The following SETBP1 variants were observed in gnomAD, a reference collection of about 807,000 sequenced individuals.
SETBP1 encodes SET-binding protein.
Under a neutral mutation model 101.0 loss-of-function variants are expected in SETBP1, and 9 were observed. That is an observed-to-expected ratio of 0.09 (90% CI 0.05 to 0.16). The LOEUF is 0.16. Ranked by LOEUF, SETBP1 falls within the 10% of genes least tolerant of loss-of-function variation. The pLI is 1.00. For synonymous variants in SETBP1, 818 were observed against 788.5 expected, an observed-to-expected ratio of 1.04 and a Z score of -0.63; for missense variants, 1,858 against 2,033.8, an observed-to-expected ratio of 0.91 and a Z score of 1.66.
intron 1 of SETBP1, among the ~76,000 whole-genome samples, chr18:44,685,846 A>T (rs2068829964): frequency 6.6e-6 from 1 of 152,164 alleles, no homozygotes; most frequent in African/African-American, 2.4e-5. Context: ...ATATAACTGT[A>T]TATATTGAAT....
At chr18:45,036,040 A>G (rs1028520321) in intron 4 of SETBP1, among the ~76,000 whole-genome samples, 4 of 152,204 alleles carry the variant, frequency 2.6e-5, no homozygotes, top group Non-Finnish European at 4.4e-5. Flanking sequence ...ACAATAAAGA[A>G]GGCTAAGAAG....
At chr18:44,708,536 T>C (rs1374224437) in intron 2 of SETBP1, among the ~76,000 whole-genome samples, 2 of 152,302 alleles carry the variant, frequency 1.3e-5, no homozygotes, top group Non-Finnish European at 2.9e-5. Context: ...GATTATGTTG[T>C]AGCTAAAGCA....
At chr18:45,060,791 T>C (rs1193987926) in intron 5 of SETBP1, among the ~76,000 whole-genome samples, 2 of 152,344 alleles carry the variant, frequency 1.3e-5, no homozygotes, top group African/African-American at 2.4e-5. Flanking sequence ...TTTGTTTACT[T>C]ATTTATTTTG....
intron 3 of SETBP1, among the ~76,000 whole-genome samples, chr18:44,914,094 A>G (rs1481286074): frequency 1.3e-5 from 2 of 152,186 alleles, no homozygotes; most frequent in Non-Finnish European, 2.9e-5. Flanking sequence ...GAGCTGCAGA[A>G]GGCACTCCCA....
Position 44,950,098 on chromosome 18 carries a change from C to T in SETBP1, c.758C>T (p.Ala253Val). The T allele has an allele frequency of 6.2e-7, 1 of 1,614,164 alleles. No homozygotes were observed. The highest frequency in any genetic ancestry group is 8.5e-7 in the Non-Finnish European group (1 of 1,180,048). Residue 253 changes from alanine (A) to valine (V), a missense_variant, in exon 4 of 6, where the codon GCT (alanine) becomes GTT (valine). Transcript: ENST00000649279. ...RETASTSKIP[A>V]LEPVASFAKA... The stretch of plus-strand genomic sequence containing the variant: ...ACTGCAAGCACCAGCAAGATCCCCG[C>T]TCTTGAGCCCGTGGCTTCCTTTGCA...
chr18:44,853,034 A>C (rs1276110938), intron 2 of SETBP1, among the ~76,000 whole-genome samples: 1 of 152,116 alleles, frequency 6.6e-6, no homozygotes, highest in Admixed American at 6.5e-5. Flanking sequence ...AACAAATTTG[A>C]CCTTGGGGCA....
At chr18:44,909,858 T>C (rs948959978) in intron 3 of SETBP1, among the ~76,000 whole-genome samples, 3 of 152,210 alleles carry the variant, frequency 2.0e-5, no homozygotes, top group Non-Finnish European at 4.4e-5. Flanking sequence ...TCTCTGTAGC[T>C]CAAATAGCAT....
chr18:44,741,071 C>A (rs942762820), intron 2 of SETBP1, among the ~76,000 whole-genome samples: 1 of 152,152 alleles, frequency 6.6e-6, no homozygotes, highest in Non-Finnish European at 1.5e-5. Context: ...AATGAACAAA[C>A]AAAAAACTTT....
At chr18:44,729,844 C>A (rs1391284879) in intron 2 of SETBP1, among the ~76,000 whole-genome samples, 2 of 152,188 alleles carry the variant, frequency 1.3e-5, no homozygotes, top group African/African-American at 4.8e-5. Flanking sequence ...GCAGGAGAAA[C>A]CCCAGGAGGT....
intron 4 of SETBP1, among the ~76,000 whole-genome samples, chr18:45,014,985 A>G (rs2072912211): frequency 6.6e-6 from 1 of 152,188 alleles, no homozygotes; most frequent in Admixed American, 6.5e-5. Flanking sequence ...GCATGCTTCA[A>G]ACAGCCAGTG....
chr18:44,852,038 C>G (rs972333897), intron 2 of SETBP1, among the ~76,000 whole-genome samples: 1 of 152,236 alleles, frequency 6.6e-6, no homozygotes, highest in Non-Finnish European at 1.5e-5. Flanking sequence ...ATCACACACA[C>G]AATAACCTCA....
intron 3 of SETBP1, among the ~76,000 whole-genome samples, chr18:44,881,707 A>C (rs574677444): frequency 6.6e-6 from 1 of 152,304 alleles, no homozygotes; most frequent in East Asian, 1.9e-4. Context: ...CGCTAGATCC[A>C]GATTCATACA....
intron 2 of SETBP1, among the ~76,000 whole-genome samples, chr18:44,721,785 C>T (rs970751698): frequency 9.2e-5 from 14 of 152,116 alleles, no homozygotes; most frequent in African/African-American, 3.4e-4. Context: ...GGGGACTTTT[C>T]CTTACCCTCA....
chr18:44,783,816 T>A (rs562307107), intron 2 of SETBP1, among the ~76,000 whole-genome samples: 19 of 152,276 alleles, frequency 1.2e-4, no homozygotes, highest in African/African-American at 4.6e-4. Context: ...GAGTCTAGAG[T>A]CAGGCCTGGA....
At chr18:45,018,392 G>A (rs796785757) in intron 4 of SETBP1, among the ~76,000 whole-genome samples, 5 of 152,306 alleles carry the variant, frequency 3.3e-5, no homozygotes, top group African/African-American at 1.2e-4. Flanking sequence ...GTTCTTGTCT[G>A]TGCCCTTTAC....
At chr18:44,964,851 G>A (rs902661735) in intron 4 of SETBP1, among the ~76,000 whole-genome samples, 2 of 152,096 alleles carry the variant, frequency 1.3e-5, no homozygotes, top group African/African-American at 4.8e-5. Context: ...TGGTTGCCAG[G>A]TCTTTTCAGT....
intron 2 of SETBP1, among the ~76,000 whole-genome samples, chr18:44,773,153 G>C (rs897031974): frequency 6.6e-6 from 1 of 152,088 alleles, no homozygotes; most frequent in Admixed American, 6.5e-5. Flanking sequence ...AAAATCTACA[G>C]TAATTAAAAA....
intron 4 of SETBP1, among the ~76,000 whole-genome samples, chr18:45,022,265 C>A (rs1239024395): frequency 6.6e-6 from 1 of 152,202 alleles, no homozygotes; most frequent in Non-Finnish European, 1.5e-5. Context: ...TATATTTCAC[C>A]TGGCCACCCC....
chr18:44,961,733 G>T (rs2071615839), intron 4 of SETBP1, among the ~76,000 whole-genome samples: 1 of 152,190 alleles, frequency 6.6e-6, no homozygotes, highest in Non-Finnish European at 1.5e-5. Context: ...TTTCAGGTCA[G>T]CTCCCCCTTC....
Sources: allele counts gnomAD v4.1 joint callset (sites outside exome capture counted in the v4.1 genomes callset), GRCh38; gene constraint gnomAD v4.1.1; transcripts MANE v1.5; gene names NCBI Gene and HGNC (gene_info 2026-07-23, HGNC 2026-07-21).